Variants in ANKRD28 observed in about 807,000 individuals in gnomAD.
The protein encoded by ANKRD28 is serine/threonine-protein phosphatase 6 regulatory ankyrin repeat subunit A.
ANKRD28 carries 44 observed loss-of-function variants against 126.5 expected under a neutral mutation model. That is an observed-to-expected ratio of 0.35 (90% CI 0.27 to 0.45). The LOEUF is 0.45. ANKRD28 is among the 20% of genes least tolerant of loss of function. The pLI is 1.00. For synonymous variants in ANKRD28, 442 were observed against 468.5 expected (o/e 0.94, Z 0.73); for missense variants, 1,110 against 1,316.6 (o/e 0.84, Z 2.43).
intron 2 of ANKRD28, among the ~76,000 whole-genome samples, chr3:15,775,011 G>A (rs916966018): frequency 2.0e-5 from 3 of 152,176 alleles, no homozygotes; most frequent in Non-Finnish European, 4.4e-5. Flanking sequence ...CCAGTAGCTG[G>A]GACTACAGGT....
chr3:15,736,088 C>G (rs890623195), intron 5 of ANKRD28, among the ~76,000 whole-genome samples: 1 of 152,182 alleles, frequency 6.6e-6, no homozygotes, highest in Non-Finnish European at 1.5e-5. Flanking sequence ...CAGAGAAGTA[C>G]AGTAGTCTCC....
chr3:15,848,300 A>G (rs2061568162), intron 1 of ANKRD28, among the ~76,000 whole-genome samples: 1 of 152,226 alleles, frequency 6.6e-6, no homozygotes, highest in Admixed American at 6.5e-5. Flanking sequence ...GGTTAAAACC[A>G]GGGGATTTTT....
chr3:15,810,612 T>C (rs1188079842), intron 1 of ANKRD28, among the ~76,000 whole-genome samples: 4 of 151,740 alleles, frequency 2.6e-5, no homozygotes, highest in African/African-American at 7.3e-5. Flanking sequence ...TTAATTACGT[T>C]AAATAGAAGA....
In ANKRD28 at chr3:15,815,525, TG is replaced by T. The variant is rs1469585816; in HGVS notation, c.28-20220del. ...GTTGCCTAGGCTGGTCTCAAACTCC[TG>T]GGCTCAAGCGATCCTCCTGCCTTGG... On this transcript the variant is annotated intron_variant, in intron 1 of 27. Transcript: ENST00000399451. The surrounding 1 kb of genome is among the most constrained non-coding windows in gnomAD (Gnocchi z 4.1). Among the ~76,000 whole-genome samples, 13 of 152,186 alleles carry T rather than the reference TG, an allele frequency of 8.5e-5. No homozygotes were observed. The highest frequency in any genetic ancestry group is 8.5e-4 in the Admixed American group (13 of 15,282).
At chr3:15,794,851 TATC>T (rs1472683285) in intron 2 of ANKRD28, among the ~76,000 whole-genome samples, 1 of 152,224 alleles carries the variant, frequency 6.6e-6, no homozygotes, top group East Asian at 1.9e-4. Flanking sequence ...AATGGTGAAG[TATC>T]ATGATTTCTG....
chr3:15,823,798 T>C (rs1439707925), intron 1 of ANKRD28, among the ~76,000 whole-genome samples: 1 of 152,066 alleles, frequency 6.6e-6, no homozygotes, highest in Non-Finnish European at 1.5e-5. Flanking sequence ...ATTAATAAAA[T>C]GAAAGGAATA....
chr3:15,778,885 T>C (rs1270999663), intron 2 of ANKRD28, among the ~76,000 whole-genome samples: 1 of 152,162 alleles, frequency 6.6e-6, no homozygotes, highest in Non-Finnish European at 1.5e-5. Flanking sequence ...CCCCATGCTA[T>C]TCTCATGATA....
At chr3:15,671,773 T>C (rs977414573) in intron 27 of ANKRD28, among the ~76,000 whole-genome samples, 2 of 151,882 alleles carry the variant, frequency 1.3e-5, no homozygotes, top group Admixed American at 6.6e-5. Flanking sequence ...TTAGTAGAGA[T>C]GGGATTTCGC....
At chr3:15,735,334 T>C (rs1258333296) in intron 6 of ANKRD28, 76 bp downstream of exon 6, 6 of 1,243,748 alleles carry the variant, frequency 4.8e-6, no homozygotes, top group South Asian at 4.3e-5. Context: ...ACAAATGCTA[T>C]ACAAACAGCA....
At chr3:15,836,460 T>A (rs534315332) in intron 1 of ANKRD28, among the ~76,000 whole-genome samples, 1 of 152,088 alleles carries the variant, frequency 6.6e-6, no homozygotes, top group African/African-American at 2.4e-5. Context: ...AAATAGCAAC[T>A]GAGATACAAA....
rs148444429 is a variant in ANKRD28, at chr3:15,777,271, C to CAA, written c.202-10961_202-10960dup. Among the ~76,000 whole-genome samples the CAA allele has an allele frequency of 6.3e-4, 70 of 111,620 alleles. 2 individuals carry two copies. The highest frequency in any genetic ancestry group is 3.9e-3 in the South Asian group (14 of 3,560). 73.2% of individuals were successfully genotyped at this position (111,620 alleles called of 152,430 possible). On this transcript the variant is annotated intron_variant, in intron 2 of 27. Transcript: ENST00000683139. ...TAGGTGACAGAGCGAGACTCCGTCT[C>CAA]AAAAAAAAAAAAAAAAAGAAAAAAA...
chr3:15,709,548 T>C, intron 13 of ANKRD28, 120 bp downstream of exon 13: 2 of 592,136 alleles, frequency 3.4e-6, no homozygotes, highest in Non-Finnish European at 5.7e-6. Context: ...GGACTCTCAA[T>C]GAATCATGAT....
Position 15,796,573 on chromosome 3 carries a change from G to C in ANKRD28, c.-52C>G, listed in dbSNP as rs946117626. ...AGCTATGTGATAAAAGTCACAGTTGGAAGAGCACAAGTAGTTTTTCCTCCT... is the reference window on the plus strand; with the variant it reads ...AGCTATGTGATAAAAGTCACAGTTGCAAGAGCACAAGTAGTTTTTCCTCCT... On this transcript the variant is annotated 5_prime_UTR_variant, in exon 1 of 28. Transcript: ENST00000683139. 1 of 1,237,802 alleles carries C rather than the reference G, an allele frequency of 8.1e-7. No individual in the cohort carries two copies. Among genetic ancestry groups the C allele is most frequent in the African/African-American group, 1.6e-5 (1 of 64,068 alleles). 76.7% of individuals were successfully genotyped at this position (1,237,802 alleles called of 1,614,324 possible).
intron 2 of ANKRD28, among the ~76,000 whole-genome samples, chr3:15,784,033 T>C (rs1235909846): frequency 4.6e-5 from 7 of 151,526 alleles, no homozygotes; most frequent in African/African-American, 1.7e-4. Flanking sequence ...ATTTAAAGCA[T>C]TGACAGAAAA....
intron 1 of ANKRD28, among the ~76,000 whole-genome samples, chr3:15,819,551 C>T (rs1235783200): frequency 2.6e-5 from 4 of 152,058 alleles, no homozygotes; most frequent in African/African-American, 9.7e-5. Flanking sequence ...TATTGGTTGG[C>T]TACAGTACAG....
chr3:15,808,080 C>A (rs149262177), intron 1 of ANKRD28, among the ~76,000 whole-genome samples: 5 of 152,158 alleles, frequency 3.3e-5, no homozygotes, highest in African/African-American at 4.8e-5. Flanking sequence ...CACTGGAAAT[C>A]ACAAGGCTAA....
intron 27 of ANKRD28, among the ~76,000 whole-genome samples, chr3:15,674,188 A>AAAAAAAAC: frequency 6.7e-6 from 1 of 150,088 alleles, no homozygotes; most frequent in African/African-American, 2.5e-5. Flanking sequence ...AAAAAAAAAA[A>AAAAAAAAC]AAAAAAAAAA....
chr3:15,858,122 C>A (rs112655084), intron 1 of ANKRD28, among the ~76,000 whole-genome samples: 7 of 152,302 alleles, frequency 4.6e-5, no homozygotes, highest in African/African-American at 1.7e-4. Flanking sequence ...TAGCCAATAG[C>A]TACATATGTC....
chr3:15,803,210 C>T (rs1467426691), intron 1 of ANKRD28, among the ~76,000 whole-genome samples: 1 of 152,076 alleles, frequency 6.6e-6, no homozygotes, highest in Non-Finnish European at 1.5e-5. Flanking sequence ...ATACGAAGAA[C>T]GGATTAAAGG....
Sources: allele counts gnomAD v4.1 joint callset (sites outside exome capture counted in the v4.1 genomes callset), GRCh38; gene constraint gnomAD v4.1.1; non-coding constraint Gnocchi (gnomAD v3.1); transcripts MANE v1.5; gene names NCBI Gene and HGNC (gene_info 2026-07-23, HGNC 2026-07-21).